DISC1: variants seen among roughly 807,000 people sequenced by gnomAD.
DISC1 encodes disrupted in schizophrenia 1 protein.
A neutral mutation model predicts 84.5 loss-of-function variants in DISC1; 57 were observed. That is an observed-to-expected ratio of 0.67 (90% CI 0.55 to 0.84). The LOEUF (loss-of-function observed/expected upper bound fraction) is 0.84, where lower values mean the gene tolerates loss of function less well. DISC1 is among the 40% of genes least tolerant of loss of function. The pLI is 0.00. For missense variants in DISC1, 1,000 were observed against 1,057.8 expected (o/e 0.95, Z 0.76); for synonymous variants, 411 against 415.2 (o/e 0.99, Z 0.12).
intron 12 of DISC1, among the ~76,000 whole-genome samples, chr1:232,034,071 T>C (rs1670299578): frequency 1.3e-5 from 2 of 152,194 alleles, no homozygotes; most frequent in African/African-American, 4.8e-5. Context: ...ACTCACATTT[T>C]GTAAGGGATC....
At position 231,765,195 on chromosome 1, in the gene DISC1, C is replaced by CAAA. The variant is rs71179793; in HGVS notation, c.1269-1923_1269-1921dup. Reference sequence around the variant, plus strand: ...ACAGAGCTAGACCTTGTCCACCCTACAAAAAAAAAAAAAAAAAAAAAAAAC... The same window carrying CAAA: ...ACAGAGCTAGACCTTGTCCACCCTACAAAAAAAAAAAAAAAAAAAAAAAAAAAC... On this transcript the variant is annotated intron_variant, in intron 4 of 12. Transcript: ENST00000439617. Among the ~76,000 whole-genome samples the CAAA allele has an allele frequency of 2.1e-3, 193 of 92,926 alleles. 1 individual carries two copies. Among genetic ancestry groups the CAAA allele is most frequent in the East Asian group, 4.1e-3 (12 of 2,946 alleles). 61.0% of individuals were successfully genotyped at this position (92,926 alleles called of 152,430 possible). A position where few individuals can be genotyped will look rare whatever the true frequency, so the allele number is the denominator to read the frequency against.
chr1:231,715,614 T>C (rs2068590347), intron 3 of DISC1, among the ~76,000 whole-genome samples: 2 of 152,290 alleles, frequency 1.3e-5, no homozygotes, highest in Middle Eastern at 3.4e-3. Flanking sequence ...CTGGGACTGA[T>C]TGGACCACAT....
At chr1:231,643,340 G>A (rs929449506) in intron 1 of DISC1, among the ~76,000 whole-genome samples, 3 of 152,026 alleles carry the variant, frequency 2.0e-5, no homozygotes, top group African/African-American at 4.8e-5. Context: ...TTTGAGTGAG[G>A]CAATAACTAG....
At chr1:231,905,288 G>A (rs1423584326) in intron 9 of DISC1, among the ~76,000 whole-genome samples, 1 of 152,118 alleles carries the variant, frequency 6.6e-6, no homozygotes, top group Non-Finnish European at 1.5e-5. Context: ...AAAATAACTG[G>A]CCTATGGTCT....
chr1:231,980,701 ATG>A (rs1300442725), intron 10 of DISC1, among the ~76,000 whole-genome samples: 140 of 152,310 alleles, frequency 9.2e-4, no homozygotes, highest in Middle Eastern at 3.4e-3. Context: ...TTTTTGTTAT[ATG>A]ATAGTTTAAA....
intron 1 of DISC1, among the ~76,000 whole-genome samples, chr1:231,637,692 A>G (rs1212890125): frequency 2.6e-5 from 4 of 152,178 alleles, no homozygotes; most frequent in Admixed American, 1.3e-4. Context: ...GTATGGCTGA[A>G]TAGTTTTCCC....
intron 5 of DISC1, among the ~76,000 whole-genome samples, chr1:231,770,370 A>G (rs1359039046): frequency 6.6e-6 from 1 of 152,160 alleles, no homozygotes; most frequent in East Asian, 1.9e-4. Flanking sequence ...CTGTAGACTT[A>G]AGAAGCCATT....
At chr1:231,654,517 T>C (rs553398324) in intron 1 of DISC1, among the ~76,000 whole-genome samples, 1 of 152,296 alleles carries the variant, frequency 6.6e-6, no homozygotes, top group East Asian at 1.9e-4. Context: ...ATATATTGCA[T>C]TATTATTAAC....
chr1:231,957,974 G>A (rs1659806779), intron 9 of DISC1, among the ~76,000 whole-genome samples: 1 of 152,042 alleles, frequency 6.6e-6, no homozygotes, highest in African/African-American at 2.4e-5. Context: ...TCAGAATAAA[G>A]GTTGTAATAA....
chr1:231,811,335 C>T (rs1266422376), intron 8 of DISC1, among the ~76,000 whole-genome samples: 1 of 152,320 alleles, frequency 6.6e-6, no homozygotes, highest in African/African-American at 2.4e-5. Flanking sequence ...TTTGGTTCAG[C>T]CAGCCCAGGC....
At chr1:231,916,548 G>C (rs923338331) in intron 9 of DISC1, among the ~76,000 whole-genome samples, 8 of 149,312 alleles carry the variant, frequency 5.4e-5, no homozygotes, top group Non-Finnish European at 7.5e-5. Context: ...CCAGCTACTC[G>C]GGAGGCTGAG....
intron 9 of DISC1, among the ~76,000 whole-genome samples, chr1:231,860,337 A>AT (rs59816698): frequency 1.1e-3 from 165 of 151,724 alleles, no homozygotes; most frequent in African/African-American, 3.0e-3. Flanking sequence ...TAGATCTAGG[A>AT]TTTTTTTTTG....
At position 231,799,984 on chromosome 1, in the gene DISC1, C is replaced by G. The variant is rs775578469; in HGVS notation, c.1690-124C>G. 7.0e-4 allele frequency: 415 copies of G among 593,280 alleles called. 7 individuals carry two copies. The highest frequency in any genetic ancestry group is 9.9e-4 in the Non-Finnish European group (336 of 338,824). The allele number at this position is 593,280 out of a possible 1,614,324, so 36.8% of individuals were successfully genotyped here. ...TTGCTTGCTTTTTGAACATTGTCTT[C>G]CAATTACTTTTCATCACCCCTTTTA... is the stretch of plus-strand genomic sequence containing the variant. On this transcript the variant is annotated intron_variant, in intron 7 of 12. Transcript: ENST00000439617.
At chr1:232,021,374 A>AC (rs1491555690) in intron 11 of DISC1, among the ~76,000 whole-genome samples, 3 of 140,708 alleles carry the variant, frequency 2.1e-5, no homozygotes, top group South Asian at 2.3e-4. Flanking sequence ...ACACACACAC[A>AC]ACCCTCAGAA....
At chr1:231,819,714 G>A (rs1452237497) in intron 9 of DISC1, among the ~76,000 whole-genome samples, 4 of 152,108 alleles carry the variant, frequency 2.6e-5, no homozygotes, top group African/African-American at 9.7e-5. Context: ...TGTCATGATA[G>A]GAATGAGGAT....
At chr1:231,825,836 A>C (rs961874457) in intron 9 of DISC1, among the ~76,000 whole-genome samples, 2 of 152,218 alleles carry the variant, frequency 1.3e-5, no homozygotes, top group African/African-American at 4.8e-5. Context: ...TATTATTCAC[A>C]TTATCTTTCA....
intron 4 of DISC1, among the ~76,000 whole-genome samples, chr1:231,762,836 A>G (rs2075870353): frequency 6.6e-6 from 1 of 152,136 alleles, no homozygotes; most frequent in East Asian, 1.9e-4. Flanking sequence ...GTGGTCATTT[A>G]TCAAGTCAAT....
At chr1:231,934,524 C>G (rs2090866522) in intron 9 of DISC1, among the ~76,000 whole-genome samples, 1 of 152,088 alleles carries the variant, frequency 6.6e-6, no homozygotes, top group Non-Finnish European at 1.5e-5. Flanking sequence ...TTAAGTGACG[C>G]AAATCACAGT....
At chr1:231,905,665 C>T (rs890490775) in intron 9 of DISC1, among the ~76,000 whole-genome samples, 1 of 151,986 alleles carries the variant, frequency 6.6e-6, no homozygotes, top group Non-Finnish European at 1.5e-5. Context: ...CTGTTCCCAA[C>T]TCAAAGCGAC....
Sources: gnomAD v4.1 joint callset for allele counts (sites outside exome capture counted in the v4.1 genomes callset) on GRCh38, gnomAD v4.1.1 for gene constraint, MANE v1.5 for transcripts, NCBI Gene and HGNC (gene_info 2026-07-23, HGNC 2026-07-21) for gene names.